RARB: variants seen among roughly 807,000 people sequenced by gnomAD.
The protein encoded by RARB is retinoic acid receptor beta, also known as HBV-activated protein.
Under a neutral mutation model 51.9 loss-of-function variants are expected in RARB, and 17 were observed. The ratio of observed to expected loss-of-function variants is 0.33; its 90% CI spans 0.22 to 0.49. RARB has a LOEUF of 0.49. Among genes scored for constraint, RARB ranks in the 20% least tolerant of loss-of-function variants. The probability of loss-of-function intolerance (pLI) is 0.99; values close to 1 mark genes in which losing one functional copy is unlikely to be tolerated. For missense variants in RARB, 369 were observed against 550.8 expected (o/e 0.67, Z 3.30); for synonymous variants, 215 against 195.4 (o/e 1.10, Z -0.84).
intron 5 of RARB, among the ~76,000 whole-genome samples, chr3:25,228,697 A>G (rs1290025245): frequency 1.3e-5 from 2 of 152,020 alleles, no homozygotes; most frequent in Non-Finnish European, 2.9e-5. Flanking sequence ...GGCATATTTG[A>G]TCCTTGCTAA....
intron 5 of RARB, among the ~76,000 whole-genome samples, chr3:25,420,988 T>C (rs1707840310): frequency 9.9e-6 from 1 of 101,078 alleles, no homozygotes; most frequent in African/African-American, 3.7e-5. Flanking sequence ...ACACCACTTA[T>C]GCCAAAAAAA....
chr3:25,125,621 T>A (rs938328430), intron 3 of RARB, among the ~76,000 whole-genome samples: 1 of 152,190 alleles, frequency 6.6e-6, no homozygotes, highest in African/African-American at 2.4e-5. Flanking sequence ...ATAAATTGAA[T>A]ACTCTGACAG....
chr3:25,579,755 A>G (rs1701090049), intron 4 of RARB, among the ~76,000 whole-genome samples: 1 of 152,172 alleles, frequency 6.6e-6, no homozygotes, highest in Non-Finnish European at 1.5e-5. Context: ...TGATAGCTGT[A>G]CCCACTTTGT....
At chr3:24,985,360 T>C (rs1196295889) in intron 2 of RARB, among the ~76,000 whole-genome samples, 4 of 151,850 alleles carry the variant, frequency 2.6e-5, no homozygotes, top group African/African-American at 9.7e-5. Context: ...TTTTTTTTTT[T>C]TTTTGACAAG....
chr3:25,081,699 C>T (rs1234936787), intron 3 of RARB, among the ~76,000 whole-genome samples: 1 of 122,584 alleles, frequency 8.2e-6, no homozygotes, highest in African/African-American at 3.2e-5. Context: ...GTGGCTCAAT[C>T]TTGGCTCACT....
chr3:25,148,945 C>CTG (rs1700238261), intron 4 of RARB, among the ~76,000 whole-genome samples: 1 of 151,342 alleles, frequency 6.6e-6, no homozygotes, highest in Non-Finnish European at 1.5e-5. Flanking sequence ...ACATTCCTCT[C>CTG]TCTGGCCTAT....
intron 5 of RARB, among the ~76,000 whole-genome samples, chr3:25,404,451 G>T (rs1428293957): frequency 1.3e-5 from 2 of 152,180 alleles, no homozygotes; most frequent in African/African-American, 4.8e-5. Flanking sequence ...GCCAAAGGGA[G>T]ACCTGATGGC....
chr3:25,359,429 C>T, intron 5 of RARB, among the ~76,000 whole-genome samples: 1 of 151,844 alleles, frequency 6.6e-6, no homozygotes, highest in East Asian at 1.9e-4. Context: ...ATACCACCTC[C>T]TGGATTCATT....
intron 1 of RARB, among the ~76,000 whole-genome samples, chr3:24,839,215 AC>A (rs1702385112): frequency 6.6e-6 from 1 of 152,288 alleles, no homozygotes; most frequent in Non-Finnish European, 1.5e-5. Flanking sequence ...TTAGTGGTCT[AC>A]TTTTGTTAAT....
intron 3 of RARB, among the ~76,000 whole-genome samples, chr3:25,088,332 T>C (rs745824378): frequency 6.6e-6 from 1 of 152,194 alleles, no homozygotes; most frequent in South Asian, 2.1e-4. Flanking sequence ...CCCAACTCCA[T>C]TGTTGTCTGT....
chr3:25,444,789 A>G (rs1214815927), intron 1 of RARB, among the ~76,000 whole-genome samples: 1 of 152,196 alleles, frequency 6.6e-6, no homozygotes, highest in African/African-American at 2.4e-5. Flanking sequence ...GGCAGGTGGT[A>G]TTCACATTTG....
At chr3:25,067,835 C>T (rs1346365466) in intron 3 of RARB, among the ~76,000 whole-genome samples, 1 of 151,998 alleles carries the variant, frequency 6.6e-6, no homozygotes, top group East Asian at 1.9e-4. Context: ...AACTCCTATT[C>T]TTCTAGGAAA....
At chr3:24,902,092 A>T (rs1397280747) in intron 2 of RARB, among the ~76,000 whole-genome samples, 1 of 152,098 alleles carries the variant, frequency 6.6e-6, no homozygotes, top group Non-Finnish European at 1.5e-5. Context: ...ATCTAACTTC[A>T]TAATCATTGT....
chr3:25,347,956 A>G lies in RARB; in HGVS notation c.179-113237A>G, dbSNP rs142284678. Among the ~76,000 whole-genome samples, 686 of 152,292 alleles carry G rather than the reference A, an allele frequency of 4.5e-3. 3 individuals are homozygous for G. Among genetic ancestry groups the G allele is most frequent in the Non-Finnish European group, 5.9e-3 (400 of 68,026 alleles). On this transcript the variant is annotated intron_variant, in intron 5 of 11. Coordinates refer to the RARB transcript ENST00000383772. ...ATCTGATCTGTCCTTACTACTTCCA[A>G]TTAGTCTAGATTCCTTGAGGGCAAT...
chr3:25,068,436 T>G (rs754849384), intron 3 of RARB, among the ~76,000 whole-genome samples: 2 of 152,088 alleles, frequency 1.3e-5, no homozygotes, highest in African/African-American at 2.4e-5. Context: ...AAGAAATAGA[T>G]TTAGAAGGAA....
intron 5 of RARB, among the ~76,000 whole-genome samples, chr3:25,316,798 T>C (rs997015082): frequency 6.6e-6 from 1 of 152,200 alleles, no homozygotes; most frequent in African/African-American, 2.4e-5. Flanking sequence ...CTTTTCTGCA[T>C]TGGAGACATT....
intron 2 of RARB, among the ~76,000 whole-genome samples, chr3:25,462,841 T>TCG (rs1559415596): frequency 2.0e-5 from 3 of 152,164 alleles, no homozygotes; most frequent in African/African-American, 7.2e-5. Flanking sequence ...CCTGGCTTGT[T>TCG]CGCAGAGGCA....
chr3:25,092,498 C>T (rs1699216908), intron 3 of RARB, among the ~76,000 whole-genome samples: 3 of 151,976 alleles, frequency 2.0e-5, no homozygotes, highest in Non-Finnish European at 4.4e-5. Flanking sequence ...TACTATTGTT[C>T]CTAATACTAC....
At chr3:25,079,064 C>T (rs540863271) in intron 3 of RARB, among the ~76,000 whole-genome samples, 3 of 151,156 alleles carry the variant, frequency 2.0e-5, no homozygotes, top group Non-Finnish European at 2.9e-5. Flanking sequence ...TTTTTAACTT[C>T]TCTCACAATA....
Sources: gnomAD v4.1 joint callset for allele counts (sites outside exome capture counted in the v4.1 genomes callset) on GRCh38, gnomAD v4.1.1 for gene constraint, MANE v1.5 for transcripts, NCBI Gene and HGNC (gene_info 2026-07-23, HGNC 2026-07-21) for gene names.